Variants in KANSL1 observed in about 807,000 individuals in gnomAD.
KANSL1 encodes MLL1/MLL complex subunit KANSL1.
Under a neutral mutation model 103.6 loss-of-function variants are expected in KANSL1, and 22 were observed. The ratio of observed to expected loss-of-function variants is 0.21; its 90% CI spans 0.15 to 0.30. The LOEUF is 0.30. KANSL1 is among the 10% of genes least tolerant of loss of function. KANSL1 has a pLI of 1.00. For synonymous variants in KANSL1, 600 were observed against 527.6 expected (o/e 1.14, Z -1.88); for missense variants, 1,337 against 1,399.8 (o/e 0.96, Z 0.72).
rs536109512 is a variant in KANSL1, at chr17:46,086,120, C to G, written c.1432-3578G>C. On this transcript the variant is annotated intron_variant, in intron 3 of 14. Coordinates refer to ENST00000432791, the MANE Select transcript of KANSL1 (RefSeq NM_015443.4). ...AATTATAGCCAGAAGATAAATAAAT[C>G]TAACAATTAGATATAAAATTACTCC... Among the ~76,000 whole-genome samples, 8 of 152,200 alleles carry G rather than the reference C, an allele frequency of 5.3e-5. No homozygotes were observed. The East Asian group carries it at 1.4e-3, about 26-fold the overall frequency.
At chr17:46,214,932 A>G (rs1254906745) in intron 1 of KANSL1, 1 of 152,306 alleles carries the variant, frequency 6.6e-6, no homozygotes, top group East Asian at 1.9e-4. Flanking sequence ...ATTTATCAGA[A>G]TAAAAATGTT....
chr17:46,073,374 T>G (rs979202578), intron 4 of KANSL1, among the ~76,000 whole-genome samples: 1 of 152,186 alleles, frequency 6.6e-6, no homozygotes, highest in Non-Finnish European at 1.5e-5. Flanking sequence ...TACTTGTTAA[T>G]TGCCATAGAA....
At chr17:46,217,733 A>T (rs2048385930) in intron 1 of KANSL1, among the ~76,000 whole-genome samples, 1 of 152,124 alleles carries the variant, frequency 6.6e-6, no homozygotes, top group South Asian at 2.1e-4. Context: ...TACAAAAAAT[A>T]CAAAATTTAG....
chr17:46,055,358 G>A (rs939575404), intron 6 of KANSL1, among the ~76,000 whole-genome samples: 9 of 151,508 alleles, frequency 5.9e-5, no homozygotes, highest in Admixed American at 2.0e-4. Flanking sequence ...CCAGCTACTC[G>A]GGAGGCTGAG....
chr17:46,137,853 C>T (rs755964197), intron 2 of KANSL1, among the ~76,000 whole-genome samples: 4 of 144,820 alleles, frequency 2.8e-5, no homozygotes, highest in East Asian at 4.0e-4. Flanking sequence ...GGCGACACAG[C>T]GAGACTCTGT....
intron 2 of KANSL1, among the ~76,000 whole-genome samples, chr17:46,152,097 G>A (rs2045139237): frequency 6.6e-6 from 1 of 152,200 alleles, no homozygotes; most frequent in Non-Finnish European, 1.5e-5. Context: ...ATGTTAACTG[G>A]GTGAGAGTCC....
At position 46,038,636 on chromosome 17, in the gene KANSL1, G is replaced by A; in HGVS notation, c.2443C>T (p.His815Tyr). 1 of 1,614,206 alleles carries A rather than the reference G, an allele frequency of 6.2e-7. No individual in the cohort carries two copies. The highest frequency in any genetic ancestry group is 8.5e-7 in the Non-Finnish European group (1 of 1,180,038). The change falls in exon 10 of 15, where the codon CAC becomes TAC. Residue 815 changes from histidine (H) to tyrosine (Y), a missense_variant. Physicochemically the swap from His to Tyr is moderately conservative, Grantham distance 83 (BLOSUM62 2). Transcript: ENST00000432791. ...ACCAAGGGACTGTGTGGAGGATGGT[G>A]GGTGGCTGCCAAGTAGCTCGAACTG... is the stretch of plus-strand genomic sequence containing the variant. ...MSSSSYLAATHHPPHSPLVRQ... is the reference protein window; with the variant it reads ...MSSSSYLAATYHPPHSPLVRQ...
At chr17:46,138,102 T>C (rs974547846) in intron 2 of KANSL1, among the ~76,000 whole-genome samples, 2 of 152,184 alleles carry the variant, frequency 1.3e-5, no homozygotes, top group Non-Finnish European at 2.9e-5. Flanking sequence ...CCTTGACTCC[T>C]GATCTCTTTC....
intron 1 of KANSL1, among the ~76,000 whole-genome samples, chr17:46,185,160 CTTGTT>C (rs1290886185): frequency 6.6e-6 from 1 of 152,204 alleles, no homozygotes; most frequent in African/African-American, 2.4e-5. Context: ...AGGGTTATAG[CTTGTT>C]TTATCTCTGT....
intron 2 of KANSL1, among the ~76,000 whole-genome samples, chr17:46,123,265 TA>T (rs1333369333): frequency 2.0e-5 from 3 of 152,132 alleles, no homozygotes; most frequent in Non-Finnish European, 4.4e-5. Context: ...TAGTCCCAGC[TA>T]CTCAGGAGGC....
At chr17:46,077,180 T>C (rs983756318) in intron 4 of KANSL1, among the ~76,000 whole-genome samples, 1 of 151,940 alleles carries the variant, frequency 6.6e-6, no homozygotes, top group South Asian at 2.1e-4. Flanking sequence ...GCTTCCAGAG[T>C]AGTGAGGACT....
At chr17:46,198,254 T>C (rs1194142449), upstream of KANSL1, among the ~76,000 whole-genome samples, 1 of 152,078 alleles carries the variant, frequency 6.6e-6, no homozygotes, top group Non-Finnish European at 1.5e-5. Flanking sequence ...AAAATGGAGA[T>C]AGTAATACCA....
intron 2 of KANSL1, among the ~76,000 whole-genome samples, chr17:46,141,433 C>T (rs1301359643): frequency 6.6e-6 from 1 of 152,240 alleles, no homozygotes; most frequent in African/African-American, 2.4e-5. Flanking sequence ...AAATCAACTT[C>T]ACTGGGGGAG....
At chr17:46,053,517 T>C (rs1486986110) in intron 6 of KANSL1, among the ~76,000 whole-genome samples, 1 of 151,898 alleles carries the variant, frequency 6.6e-6, no homozygotes, top group Non-Finnish European at 1.5e-5. Context: ...GGCGCAAGTC[T>C]GCCTTCCAGG....
chr17:46,041,878 T>TTTTGTGTGTGTGTGTGTG (rs1445996410), intron 7 of KANSL1: 1 of 122,648 alleles, frequency 8.2e-6, no homozygotes, highest in African/African-American at 2.8e-5. Context: ...GAAATTTATT[T>TTTTGTGTGTGTGTGTGTG]TGTGTGTGTG....
chr17:46,185,453 T>C (rs544905163), intron 1 of KANSL1, among the ~76,000 whole-genome samples: 39 of 152,280 alleles, frequency 2.6e-4, no homozygotes, highest in African/African-American at 8.9e-4. Context: ...TACACAGCAT[T>C]ATAAAGGTAA....
intron 2 of KANSL1, among the ~76,000 whole-genome samples, chr17:46,133,489 A>C (rs1023290156): frequency 7.3e-5 from 11 of 151,608 alleles, no homozygotes; most frequent in Non-Finnish European, 1.5e-4. Context: ...AGCACACGTC[A>C]AGGCATGGAG....
intron 2 of KANSL1, among the ~76,000 whole-genome samples, chr17:46,113,013 G>A (rs1044354972): frequency 6.6e-6 from 1 of 152,182 alleles, no homozygotes; most frequent in African/African-American, 2.4e-5. Context: ...GAGCCACCAG[G>A]CCCGGCCGGG....
At chr17:46,110,918 T>C (rs1053459978) in intron 2 of KANSL1, among the ~76,000 whole-genome samples, 9 of 152,176 alleles carry the variant, frequency 5.9e-5, no homozygotes, top group African/African-American at 2.4e-5. Flanking sequence ...GAAATAGTAT[T>C]ACAAAAACAG....
Sources: allele counts gnomAD v4.1 joint callset (sites outside exome capture counted in the v4.1 genomes callset), GRCh38; gene constraint gnomAD v4.1.1; transcripts MANE v1.5; gene names NCBI Gene and HGNC (gene_info 2026-07-23, HGNC 2026-07-21).